The following ZNF704 variants were observed in gnomAD, a reference collection of about 807,000 sequenced individuals.
ZNF704 encodes the protein zinc finger protein 704, also known as glucocorticoid induced gene 1.
In ZNF704, 10 loss-of-function variants were observed where a neutral mutation model predicts 44.7. The observed-to-expected ratio is 0.22, with a 90% CI of 0.14 to 0.38. The LOEUF (loss-of-function observed/expected upper bound fraction) is 0.38, where lower values mean the gene tolerates loss of function less well. Among genes scored for constraint, ZNF704 ranks in the 10% least tolerant of loss-of-function variants. The probability of loss-of-function intolerance (pLI) is 1.00; values close to 1 mark genes in which losing one functional copy is unlikely to be tolerated. For synonymous variants in ZNF704, 211 were observed against 207.6 expected, an observed-to-expected ratio of 1.02 and a Z score of -0.14; for missense variants, 390 against 545.5, an observed-to-expected ratio of 0.71 and a Z score of 2.84.
At chr8:80,701,681 G>C (rs1051706499) in intron 2 of ZNF704, among the ~76,000 whole-genome samples, 3 of 152,200 alleles carry the variant, frequency 2.0e-5, no homozygotes, top group Non-Finnish European at 4.4e-5. Context: ...ACAGATACAA[G>C]AGGGAAGAGA....
At chr8:80,672,846 T>C (rs547224778) in intron 4 of ZNF704, among the ~76,000 whole-genome samples, 1 of 151,954 alleles carries the variant, frequency 6.6e-6, no homozygotes, top group Admixed American at 6.6e-5. Flanking sequence ...CTCAATTGTA[T>C]CCCAAACCCC....
chr8:80,871,641 T>C (rs558980817), intron 1 of ZNF704, among the ~76,000 whole-genome samples: 4 of 152,348 alleles, frequency 2.6e-5, no homozygotes, highest in South Asian at 2.1e-4. Context: ...CACTGCTATG[T>C]TCTAGAATAG....
intron 1 of ZNF704, among the ~76,000 whole-genome samples, chr8:80,841,199 T>C (rs1240184155): frequency 6.6e-6 from 1 of 152,232 alleles, no homozygotes; most frequent in African/African-American, 2.4e-5. Context: ...GGCAACGACC[T>C]CACTGTCTTC....
intron 2 of ZNF704, among the ~76,000 whole-genome samples, chr8:80,716,467 C>T (rs545082525): frequency 1.3e-5 from 2 of 152,206 alleles, no homozygotes; most frequent in African/African-American, 4.8e-5. Flanking sequence ...ATCCTTGGAT[C>T]GTCCCAAGAC....
chr8:80,674,064 G>T (rs995062932), intron 4 of ZNF704, among the ~76,000 whole-genome samples: 2 of 152,206 alleles, frequency 1.3e-5, no homozygotes, highest in African/African-American at 4.8e-5. Context: ...CTCTTTGAGG[G>T]ACGTGAAAAT....
At chr8:80,645,988 G>A (rs72671907) in intron 7 of ZNF704, among the ~76,000 whole-genome samples, 43,675 of 152,030 alleles carry the variant, frequency 0.29, 8,254 homozygotes, top group African/African-American at 0.54. Context: ...TTAGTGTTCT[G>A]CAAGGGCCAG....
chr8:80,663,107 T>C (rs1438813647), intron 6 of ZNF704, among the ~76,000 whole-genome samples: 2 of 152,134 alleles, frequency 1.3e-5, no homozygotes, highest in Non-Finnish European at 2.9e-5. Context: ...TGGCCAGGCA[T>C]GGTGGCTCAA....
chr8:80,670,374 A>C, intron 5 of ZNF704, 129 bp downstream of exon 5: 1 of 656,648 alleles, frequency 1.5e-6, no homozygotes. Flanking sequence ...ATCTCTCTAG[A>C]GATTAGGAAG....
At chr8:80,660,960 T>C (rs1818093058) in intron 6 of ZNF704, among the ~76,000 whole-genome samples, 1 of 152,106 alleles carries the variant, frequency 6.6e-6, no homozygotes, top group South Asian at 2.1e-4. Flanking sequence ...TATATTAAAC[T>C]AAAAAGCTTC....
At chr8:80,877,726 G>A (rs1404181337), upstream of ZNF704, among the ~76,000 whole-genome samples, 1 of 152,192 alleles carries the variant, frequency 6.6e-6, no homozygotes, top group African/African-American at 2.4e-5. Context: ...ACAAGTGCCA[G>A]GTCTTGTTCT....
intron 3 of ZNF704, among the ~76,000 whole-genome samples, chr8:80,690,737 G>T (rs530042558): frequency 2.6e-4 from 39 of 152,316 alleles, no homozygotes; most frequent in African/African-American, 9.1e-4. Context: ...GGCTAGGTAT[G>T]GTGGCTCCCA....
chr8:80,809,758 T>C (rs779639556), intron 2 of ZNF704, among the ~76,000 whole-genome samples: 8 of 152,228 alleles, frequency 5.3e-5, no homozygotes, highest in Admixed American at 1.3e-4. Flanking sequence ...AATATATTTA[T>C]TGTTCATTTG....
At chr8:80,657,542 A>C (rs1818034891) in intron 7 of ZNF704, among the ~76,000 whole-genome samples, 1 of 152,028 alleles carries the variant, frequency 6.6e-6, no homozygotes, top group Non-Finnish European at 1.5e-5. Context: ...AAAATACAAA[A>C]ATTAGCCAGG....
At chr8:80,873,432 C>T (rs1208003184) in intron 1 of ZNF704, 1 of 152,152 alleles carries the variant, frequency 6.6e-6, no homozygotes, top group East Asian at 1.9e-4. Context: ...CTGGCCGGGT[C>T]TCTCCCCGGC....
At chr8:80,708,289 CAGAAGA>C (rs1818928050) in intron 2 of ZNF704, among the ~76,000 whole-genome samples, 1 of 152,156 alleles carries the variant, frequency 6.6e-6, no homozygotes, top group East Asian at 1.9e-4. Flanking sequence ...AACGAATAAG[CAGAAGA>C]ATCTGATACA....
At position 80,719,855 on chromosome 8, in the gene ZNF704, G is replaced by A. The variant is rs146142676; in HGVS notation, c.222-26748C>T. 2.2e-4 allele frequency among the ~76,000 whole-genome samples: 34 copies of A among 152,288 alleles called. 1 individual carries two copies. The East Asian group carries it at 6.6e-3, about 29-fold the overall frequency. ...GAATCTGCCTTCCAGCTCCGAACTG[G>A]TTTCCACATAATGGATGTGATCTTG... is the stretch of plus-strand genomic sequence containing the variant. On this transcript the variant is annotated intron_variant, in intron 2 of 8. Transcript: ENST00000327835.
At chr8:80,850,206 T>C (rs998716563) in intron 1 of ZNF704, among the ~76,000 whole-genome samples, 2 of 152,234 alleles carry the variant, frequency 1.3e-5, no homozygotes, top group African/African-American at 2.4e-5. Context: ...ATGCTTGGTA[T>C]GGAATTAAAT....
At chr8:80,765,339 C>G (rs1807210865) in intron 2 of ZNF704, among the ~76,000 whole-genome samples, 1 of 152,170 alleles carries the variant, frequency 6.6e-6, no homozygotes, top group Non-Finnish European at 1.5e-5. Flanking sequence ...CTCACTCACA[C>G]TAATCTCCTA....
intron 1 of ZNF704, among the ~76,000 whole-genome samples, chr8:80,855,175 T>C (rs886960164): frequency 6.6e-6 from 1 of 152,226 alleles, no homozygotes; most frequent in Non-Finnish European, 1.5e-5. Context: ...AAGTAAGCAC[T>C]ACATGGATAC....
Sources: allele counts gnomAD v4.1 joint callset (sites outside exome capture counted in the v4.1 genomes callset), GRCh38; gene constraint gnomAD v4.1.1; transcripts MANE v1.5; gene names NCBI Gene and HGNC (gene_info 2026-07-23, HGNC 2026-07-21).